Variants in UNC13A observed in about 807,000 individuals in gnomAD.
UNC13A encodes unc-13 homolog A.
In UNC13A, 61 loss-of-function variants were observed where a neutral mutation model predicts 219.7. The observed-to-expected ratio is 0.28, with a 90% CI of 0.23 to 0.34. The LOEUF (loss-of-function observed/expected upper bound fraction) is 0.34. UNC13A is among the 10% of genes least tolerant of loss of function. The pLI, the probability that UNC13A is intolerant of heterozygous loss-of-function variation, is 1.00. For synonymous variants in UNC13A, 920 were observed against 884.6 expected (o/e 1.04, Z -0.71); for missense variants, 1,476 against 2,270.3 (o/e 0.65, Z 7.11).
Position 17,646,202 on chromosome 19 carries a change from G to T in UNC13A, c.2045-91C>A. 2.6e-6 allele frequency: 4 copies of T among 1,543,380 alleles called. No homozygotes were observed. In the South Asian group the frequency reaches 4.7e-5, roughly 18 times the overall value. On this transcript the variant is annotated intron_variant, in intron 17 of 43. Coordinates refer to ENST00000519716, the MANE Select transcript of UNC13A (RefSeq NM_001080421.3). ...TGCCACACGCTGCAGGCTGATAATT[G>T]GGACACCTGCAGCATGGCTGGAGAG...
At chr19:17,680,488 A>G (rs1262257561) in intron 1 of UNC13A, among the ~76,000 whole-genome samples, 1 of 152,230 alleles carries the variant, frequency 6.6e-6, no homozygotes, top group African/African-American at 2.4e-5. Flanking sequence ...ACACCGCGTC[A>G]TGCGGCCTCA....
At chr19:17,620,481 AG>A (rs1038818139) in intron 38 of UNC13A, among the ~76,000 whole-genome samples, 34 of 152,102 alleles carry the variant, frequency 2.2e-4, no homozygotes, top group Non-Finnish European at 4.1e-4. Context: ...GGCAGGGCTC[AG>A]GGGCCTTCCT....
In UNC13A at chr19:17,649,691, G is replaced by C; in HGVS notation, c.1440-104C>G. 3 of 1,307,492 alleles carry C rather than the reference G, an allele frequency of 2.3e-6. No homozygotes were observed. Among genetic ancestry groups the C allele is most frequent in the Non-Finnish European group, 3.3e-6 (3 of 915,252 alleles). 81.0% of individuals were successfully genotyped at this position (1,307,492 alleles called of 1,614,324 possible). ...CCCCAGGTGTTAAGGGGTTGAATTG[G>C]GTCCCTCAAAAAAAAGATACGCTGA... On this transcript the variant is annotated intron_variant, in intron 12 of 43. Coordinates refer to ENST00000519716, the MANE Select transcript of UNC13A (RefSeq NM_001080421.3). This position sits in a 1 kb window ranked among gnomAD's most constrained non-coding sequence, Gnocchi z 4.4.
At chr19:17,665,092 C>T (rs1165850074) in intron 7 of UNC13A, among the ~76,000 whole-genome samples, 1 of 151,794 alleles carries the variant, frequency 6.6e-6, no homozygotes, top group Non-Finnish European at 1.5e-5. Context: ...CCCCACTGCT[C>T]AAGAGGCTGA....
chr19:17,612,488 C>T (rs996315200), intron 41 of UNC13A, among the ~76,000 whole-genome samples: 1 of 152,168 alleles, frequency 6.6e-6, no homozygotes, highest in African/African-American at 2.4e-5. Context: ...GCAGTAGCCT[C>T]CTTGCTGGTC....
At chr19:17,645,591 T>A (rs1027341880) in intron 19 of UNC13A, 83 bp downstream of exon 19, 2 of 1,570,728 alleles carry the variant, frequency 1.3e-6, no homozygotes, top group African/African-American at 2.7e-5. Flanking sequence ...TGAGAACACA[T>A]CTCTCTGCTC....
At chr19:17,635,290 T>C (rs9653165) in intron 26 of UNC13A, among the ~76,000 whole-genome samples, 104,297 of 152,030 alleles carry the variant, frequency 0.69, 36,659 homozygotes, top group Non-Finnish European at 0.76. Flanking sequence ...CGTGAGCCAC[T>C]GTGCCTGACC....
chr19:17,631,139 T>C, intron 28 of UNC13A, among the ~76,000 whole-genome samples: 1 of 123,018 alleles, frequency 8.1e-6, no homozygotes, highest in Non-Finnish European at 1.7e-5. Flanking sequence ...GGGTTTATTC[T>C]CTGAGCTCTT....
chr19:17,629,130 C>A, intron 31 of UNC13A, 110 bp downstream of exon 31: 1 of 871,382 alleles, frequency 1.1e-6, no homozygotes. Flanking sequence ...TCAGATCACA[C>A]ACAGGTGGAC....
At chr19:17,669,345 G>C (rs546955283) in intron 5 of UNC13A, among the ~76,000 whole-genome samples, 1 of 152,098 alleles carries the variant, frequency 6.6e-6, no homozygotes, top group Non-Finnish European at 1.5e-5. Context: ...GGGAAGCTAC[G>C]GGGCCCAGGT....
chr19:17,684,803 G>A (rs907588393), intron 1 of UNC13A, among the ~76,000 whole-genome samples: 1 of 152,216 alleles, frequency 6.6e-6, no homozygotes, highest in Admixed American at 6.5e-5. Context: ...CACCATTTAA[G>A]TGCAGGTGGG....
chr19:17,612,759 A>G (rs192290751), intron 41 of UNC13A, among the ~76,000 whole-genome samples: 7 of 152,242 alleles, frequency 4.6e-5, no homozygotes, highest in Admixed American at 1.3e-4. Flanking sequence ...TGGGAGGAAC[A>G]CTTGAGCTCA....
intron 35 of UNC13A, 69 bp from the exon 36 acceptor site, chr19:17,623,616 GC>G: frequency 1.2e-6 from 1 of 836,524 alleles, no homozygotes; most frequent in Non-Finnish European, 1.7e-6. Flanking sequence ...TCCCGGGAAG[GC>G]CAGGGAGGGG....
At chr19:17,644,053 C>T (rs2076997942) in intron 19 of UNC13A, among the ~76,000 whole-genome samples, 1 of 152,170 alleles carries the variant, frequency 6.6e-6, no homozygotes, top group Non-Finnish European at 1.5e-5. Flanking sequence ...TAGGCTCATA[C>T]ACCCTGCTTC....
chr19:17,664,312 T>C (rs1157626247), intron 7 of UNC13A, among the ~76,000 whole-genome samples: 1 of 152,162 alleles, frequency 6.6e-6, no homozygotes, highest in Non-Finnish European at 1.5e-5. Context: ...TCTACTCATT[T>C]TATGGGTGAA....
rs374817278 is a variant in UNC13A, at chr19:17,630,765, C to A, written c.3429-15G>T. 1 of 1,611,706 alleles carries A rather than the reference C, an allele frequency of 6.2e-7. No homozygotes were observed. The highest frequency in any genetic ancestry group is 8.5e-7 in the Non-Finnish European group (1 of 1,178,662). ...GTTCAAACCATCTGGAATGAAGAGC[C>A]GGGGTGGGGCTCTGCCACCTCTTGT... On this transcript the variant is annotated splice_polypyrimidine_tract_variant and intron_variant, in intron 28 of 43. Transcript: ENST00000519716.
At chr19:17,675,936 A>AC (rs2079889639) in intron 2 of UNC13A, 76 bp downstream of exon 2, 8 of 1,524,470 alleles carry the variant, frequency 5.2e-6, no homozygotes, top group Non-Finnish European at 7.1e-6. Context: ...CTGGGCTGGG[A>AC]CCCCCTCCCA....
intron 41 of UNC13A, among the ~76,000 whole-genome samples, chr19:17,614,715 G>A (rs566759121): frequency 6.6e-6 from 1 of 152,104 alleles, no homozygotes; most frequent in African/African-American, 2.4e-5. Flanking sequence ...CATCACCCCA[G>A]TACTGGGGTA....
chr19:17,608,959 C>CTT (rs35529137), intron 43 of UNC13A, among the ~76,000 whole-genome samples: 193 of 134,420 alleles, frequency 1.4e-3, no homozygotes, highest in Non-Finnish European at 2.2e-3. Flanking sequence ...CCAGAGCAGA[C>CTT]TTTTTTTTTT....
Sources: gnomAD v4.1 joint callset for allele counts (sites outside exome capture counted in the v4.1 genomes callset) on GRCh38, gnomAD v4.1.1 for gene constraint, Gnocchi (gnomAD v3.1) non-coding constraint, MANE v1.5 for transcripts, NCBI Gene and HGNC (gene_info 2026-07-23, HGNC 2026-07-21) for gene names.